NPAS3: variants seen among roughly 807,000 people sequenced by gnomAD.
NPAS3 encodes the protein neuronal PAS domain protein 3.
NPAS3 carries 14 observed loss-of-function variants against 73.1 expected under a neutral mutation model. That is an observed-to-expected ratio of 0.19 (90% CI 0.13 to 0.30). The LOEUF (loss-of-function observed/expected upper bound fraction) is 0.30, where lower values mean the gene tolerates loss of function less well. Among genes scored for constraint, NPAS3 ranks in the 10% least tolerant of loss-of-function variants. The pLI is 1.00. For synonymous variants in NPAS3, 620 were observed against 541.5 expected (o/e 1.14, Z -2.01); for missense variants, 1,096 against 1,250.0 (o/e 0.88, Z 1.86).
intron 3 of NPAS3, among the ~76,000 whole-genome samples, chr14:33,256,769 A>T (rs2048793207): frequency 6.6e-6 from 1 of 152,124 alleles, no homozygotes; most frequent in Non-Finnish European, 1.5e-5. Context: ...TTTTGGCTCT[A>T]TTTTTTCCAG....
intron 4 of NPAS3, among the ~76,000 whole-genome samples, chr14:33,466,820 A>G (rs1318059932): frequency 2.0e-5 from 3 of 152,152 alleles, no homozygotes; most frequent in East Asian, 3.9e-4. Flanking sequence ...AGATGCTGCT[A>G]AACCATTCAT....
At chr14:33,651,553 A>C (rs2058994292) in intron 5 of NPAS3, among the ~76,000 whole-genome samples, 3 of 152,128 alleles carry the variant, frequency 2.0e-5, no homozygotes, top group African/African-American at 4.8e-5. Context: ...TATTAAAAAA[A>C]CCCACAAGTA....
chr14:33,202,635 C>T (rs1319694403), intron 2 of NPAS3, among the ~76,000 whole-genome samples: 2 of 150,742 alleles, frequency 1.3e-5, no homozygotes, highest in African/African-American at 2.4e-5. Context: ...TGAGTATGCT[C>T]ATTAATATCC....
At chr14:33,046,738 G>A (rs1216489085) in intron 1 of NPAS3, among the ~76,000 whole-genome samples, 1 of 152,220 alleles carries the variant, frequency 6.6e-6, no homozygotes, top group Non-Finnish European at 1.5e-5. Context: ...CACTTTGAGA[G>A]GCCGAGGCAG....
At chr14:33,072,216 A>G (rs73266800) in intron 2 of NPAS3, among the ~76,000 whole-genome samples, 7,991 of 152,246 alleles carry the variant, frequency 0.052, 608 homozygotes, top group East Asian at 0.29. Flanking sequence ...AAAAGTGTCA[A>G]CTTTGCTTTT....
At chr14:33,133,831 A>G (rs2043730580) in intron 2 of NPAS3, among the ~76,000 whole-genome samples, 1 of 152,166 alleles carries the variant, frequency 6.6e-6, no homozygotes, top group African/African-American at 2.4e-5. Flanking sequence ...GGAAGGGGAG[A>G]AGCCACGGGC....
chr14:33,173,319 T>C (rs1009513583), intron 2 of NPAS3, among the ~76,000 whole-genome samples: 3 of 152,306 alleles, frequency 2.0e-5, no homozygotes, highest in East Asian at 3.9e-4. Context: ...CACTATAATA[T>C]TAATGATAAA....
chr14:33,308,527 T>TATACACACACACACACACACAC lies in NPAS3; in HGVS notation c.386-58658_386-58657insTACACACACACACACACACACA. Among the ~76,000 whole-genome samples the TATACACACACACACACACACAC allele has an allele frequency of 7.8e-3, 808 of 103,666 alleles. 19 individuals are homozygous for TATACACACACACACACACACAC. The highest frequency in any genetic ancestry group is 0.039 in the East Asian group (135 of 3,490). The allele number at this position is 103,666 out of a possible 152,430, so 68.0% of individuals were successfully genotyped here. ...TGCATAGTTTATATATATATATATA[T>TATACACACACACACACACACAC]ACATACACACACACACACACACACA... On this transcript the variant is annotated intron_variant, in intron 3 of 11. Transcript: ENST00000356141.
At chr14:33,123,173 C>G (rs1336662877) in intron 2 of NPAS3, among the ~76,000 whole-genome samples, 1 of 151,866 alleles carries the variant, frequency 6.6e-6, no homozygotes, top group Non-Finnish European at 1.5e-5. Flanking sequence ...AGAATTAGTA[C>G]TGTAAATGGT....
intron 2 of NPAS3, among the ~76,000 whole-genome samples, chr14:33,130,185 T>G (rs903825004): frequency 6.6e-6 from 1 of 152,184 alleles, no homozygotes; most frequent in Admixed American, 6.6e-5. Context: ...CAGACCATAA[T>G]GGAGGATTTG....
chr14:33,476,297 T>G (rs1594981412), intron 4 of NPAS3, among the ~76,000 whole-genome samples: 1 of 152,222 alleles, frequency 6.6e-6, no homozygotes, highest in African/African-American at 2.4e-5. Context: ...TATAGTGACT[T>G]GCTTAATAGC....
intron 4 of NPAS3, among the ~76,000 whole-genome samples, chr14:33,379,845 A>T: frequency 6.6e-6 from 1 of 152,156 alleles, no homozygotes; most frequent in East Asian, 1.9e-4. Flanking sequence ...TTGAGAAAAG[A>T]TCTCTAAATA....
chr14:33,030,893 CA>C (rs1453480758), intron 1 of NPAS3, among the ~76,000 whole-genome samples: 9 of 147,928 alleles, frequency 6.1e-5, no homozygotes, highest in African/African-American at 1.6e-4. Context: ...TTTTAATAGA[CA>C]TTTTTTTGTG....
intron 4 of NPAS3, among the ~76,000 whole-genome samples, chr14:33,424,422 C>G (rs1371119520): frequency 6.6e-6 from 1 of 151,826 alleles, no homozygotes; most frequent in African/African-American, 2.4e-5. Flanking sequence ...GTTGTATGAT[C>G]AAACGCAACT....
At chr14:33,798,814 A>G (rs1280006189) in intron 11 of NPAS3, among the ~76,000 whole-genome samples, 1 of 152,068 alleles carries the variant, frequency 6.6e-6, no homozygotes, top group Non-Finnish European at 1.5e-5. Context: ...GAGCTTATAT[A>G]CTAGTGGGAA....
At chr14:33,588,605 A>G (rs577855265) in intron 5 of NPAS3, among the ~76,000 whole-genome samples, 1 of 152,230 alleles carries the variant, frequency 6.6e-6, no homozygotes, top group South Asian at 2.1e-4. Flanking sequence ...ATTCAGTTTT[A>G]TCATAAAAGA....
intron 3 of NPAS3, among the ~76,000 whole-genome samples, chr14:33,357,114 A>G (rs747531909): frequency 2.6e-5 from 4 of 152,220 alleles, no homozygotes; most frequent in African/African-American, 4.8e-5. Context: ...TAACATAAGT[A>G]AGACCTAGCT....
chr14:33,797,410 A>G (rs749232451), intron 10 of NPAS3, 47 bp from the exon 11 acceptor site: 2 of 1,600,968 alleles, frequency 1.2e-6, no homozygotes, highest in Non-Finnish European at 1.7e-6. Context: ...CAAACAAACC[A>G]TGCAGAATGG....
intron 7 of NPAS3, among the ~76,000 whole-genome samples, chr14:33,756,924 T>C (rs935746058): frequency 6.6e-6 from 1 of 152,216 alleles, no homozygotes; most frequent in African/African-American, 2.4e-5. Context: ...AGGACAGCAC[T>C]GGGCTAAAGT....
Sources: gnomAD v4.1 joint callset for allele counts (sites outside exome capture counted in the v4.1 genomes callset) on GRCh38, gnomAD v4.1.1 for gene constraint, MANE v1.5 for transcripts, NCBI Gene and HGNC (gene_info 2026-07-23, HGNC 2026-07-21) for gene names.